NECTIN3: variants seen among roughly 807,000 people sequenced by gnomAD.
NECTIN3 encodes the protein nectin-3.
Under a neutral mutation model 49.4 loss-of-function variants are expected in NECTIN3, and 8 were observed. The observed-to-expected ratio is 0.16, with a 90% confidence interval of 0.10 to 0.29. The LOEUF is 0.29. Ranked by LOEUF, NECTIN3 falls within the 10% of genes least tolerant of loss-of-function variation. The pLI, the probability that NECTIN3 is intolerant of heterozygous loss-of-function variation, is 1.00. For synonymous variants in NECTIN3, 277 were observed against 241.1 expected, an observed-to-expected ratio of 1.15 and a Z score of -1.38; for missense variants, 581 against 654.6, an observed-to-expected ratio of 0.89 and a Z score of 1.23.
chr3:111,094,342 G>A (rs1453859393), intron 1 of NECTIN3, among the ~76,000 whole-genome samples: 2 of 152,116 alleles, frequency 1.3e-5, no homozygotes, highest in African/African-American at 4.8e-5. Flanking sequence ...CATGAAAATG[G>A]AAATATAAGT....
chr3:111,127,934 A>G (rs2034232414), intron 5 of NECTIN3, among the ~76,000 whole-genome samples: 1 of 152,184 alleles, frequency 6.6e-6, no homozygotes, highest in South Asian at 2.1e-4. Context: ...AGCCAGGGAA[A>G]TGCATAGTTA....
chr3:111,079,942 A>G (rs2107360167), intron 1 of NECTIN3, among the ~76,000 whole-genome samples: 1 of 152,180 alleles, frequency 6.6e-6, no homozygotes, highest in South Asian at 2.1e-4. Flanking sequence ...TTGAAATAAC[A>G]GTAAGGGAAT....
chr3:111,097,006 G>A (rs2032625117), intron 1 of NECTIN3, among the ~76,000 whole-genome samples: 1 of 152,156 alleles, frequency 6.6e-6, no homozygotes, highest in Non-Finnish European at 1.5e-5. Context: ...CCCCAGAATT[G>A]TAGATCCACT....
chr3:111,071,981 G>GGAGCCGGGA lies in NECTIN3; in HGVS notation c.-36_-35insAGCCGGGAG. The GGAGCCGGGA allele has an allele frequency of 7.2e-7, 1 of 1,388,644 alleles. No individual in the cohort carries two copies. The highest frequency in any genetic ancestry group is 9.4e-7 in the Non-Finnish European group (1 of 1,063,098). The allele number at this position is 1,388,644 out of a possible 1,614,324, so 86.0% of individuals were successfully genotyped here. A position where few individuals can be genotyped will look rare whatever the true frequency, so the allele number is the denominator to read the frequency against. On this transcript the variant is annotated 5_prime_UTR_variant, in exon 1 of 6. Transcript: ENST00000485303. ...AGGCGCCGGGGCCGGGGGAGCCGGG[G>GGAGCCGGGA]GGCGGGCGGGCGAGCGGGCCGGGGG...
At chr3:111,179,421 T>C (rs1042766837) in intron 7 of NECTIN3, among the ~76,000 whole-genome samples, 44 of 152,332 alleles carry the variant, frequency 2.9e-4, no homozygotes, top group African/African-American at 1.1e-3. Context: ...TATGCAATGA[T>C]AGCTTTTCAG....
At chr3:111,124,847 T>G (rs2034095800) in intron 4 of NECTIN3, among the ~76,000 whole-genome samples, 3 of 152,110 alleles carry the variant, frequency 2.0e-5, no homozygotes, top group Admixed American at 6.5e-5. Flanking sequence ...AAATAGAGAC[T>G]ACATTTTATT....
intron 1 of NECTIN3, chr3:111,193,298 C>A: frequency 3.3e-6 from 5 of 1,535,856 alleles, no homozygotes; most frequent in Non-Finnish European, 4.4e-6. Context: ...AAATGTGCTA[C>A]CAAGACCGGA....
chr3:111,112,492 A>G, intron 2 of NECTIN3, 121 bp downstream of exon 2: 1 of 692,850 alleles, frequency 1.4e-6, no homozygotes, highest in South Asian at 3.0e-5. Context: ...AATAATTCAA[A>G]TACGATTTTT....
Position 111,129,669 on chromosome 3 carries a change from G to A in NECTIN3, c.1069+3334G>A, listed in dbSNP as rs1576142607. 4.7e-5 allele frequency among the ~76,000 whole-genome samples: 7 copies of A among 149,570 alleles called. 2 individuals carry two copies. Among genetic ancestry groups the A allele is most frequent in the Admixed American group, 4.6e-4 (7 of 15,150 alleles). The stretch of plus-strand genomic sequence containing the variant: ...TATGAGATAATTTTTTTTTTTTTTG[G>A]AGACAGTCTCGCTCTGTCGCCCAGG... On this transcript the variant is annotated intron_variant, in intron 5 of 5. Coordinates refer to ENST00000485303, the MANE Select transcript of NECTIN3 (RefSeq NM_015480.3).
At chr3:111,172,138 G>A (rs995940436) in intron 7 of NECTIN3, among the ~76,000 whole-genome samples, 6 of 151,982 alleles carry the variant, frequency 3.9e-5, no homozygotes, top group Middle Eastern at 3.2e-3. Flanking sequence ...AGTGCTTGTC[G>A]TTTTCCCTTG....
At chr3:111,126,575 G>T (rs1007772692) in intron 5 of NECTIN3, among the ~76,000 whole-genome samples, 1 of 152,038 alleles carries the variant, frequency 6.6e-6, no homozygotes, top group African/African-American at 2.4e-5. Context: ...ACTTTTTGAT[G>T]CCTGTACATA....
At position 111,125,055 on chromosome 3, in the gene NECTIN3, G is replaced by A. The variant is rs1473528073; in HGVS notation, c.918-1129G>A. Among the ~76,000 whole-genome samples the A allele has an allele frequency of 2.7e-5, 3 of 111,564 alleles. No homozygotes were observed. The East Asian group carries it at 8.3e-4, about 31-fold the overall frequency. The allele number at this position is 111,564 out of a possible 152,430, so 73.2% of individuals were successfully genotyped here. On this transcript the variant is annotated intron_variant, in intron 4 of 5. Transcript: ENST00000485303. ...TTTTTTTTTTTTTTTTTGAGACAGA[G>A]TCTCACCCTGTCACCCAGGCTAGAG...
downstream of NECTIN3, among the ~76,000 whole-genome samples, chr3:111,140,430 G>T (rs907307532): frequency 6.6e-6 from 1 of 151,448 alleles, no homozygotes; most frequent in Non-Finnish European, 1.5e-5. Flanking sequence ...GTAGCTAACT[G>T]ATAAAATTTG....
At chr3:111,155,302 C>T (rs1057467455) in intron 7 of NECTIN3, among the ~76,000 whole-genome samples, 1 of 152,164 alleles carries the variant, frequency 6.6e-6, no homozygotes. Context: ...AATGTAGTGC[C>T]ATGCTTTTAT....
rs1176073788 is a variant in NECTIN3 at position 111,134,925 on chromosome 3, A to G, written c.*710A>G. ...TAGCTGGTCAATATTTTTGTCCAAAATACCTGCAAGAGTAATAAAATACAT... is the reference window on the plus strand; with the variant it reads ...TAGCTGGTCAATATTTTTGTCCAAAGTACCTGCAAGAGTAATAAAATACAT... On this transcript the variant is annotated 3_prime_UTR_variant, in exon 6 of 6. Transcript: ENST00000485303. 1.0e-6 allele frequency: 1 copy of G among 983,754 alleles called. No homozygotes were observed. The highest frequency in any genetic ancestry group is 1.2e-6 in the Non-Finnish European group (1 of 828,636). 60.9% of individuals were successfully genotyped at this position (983,754 alleles called of 1,614,324 possible).
intron 1 of NECTIN3, among the ~76,000 whole-genome samples, chr3:111,076,153 T>C (rs2031181856): frequency 6.6e-6 from 1 of 152,152 alleles, no homozygotes; most frequent in South Asian, 2.1e-4. Context: ...ATTTACAATT[T>C]AGTAATTTGG....
chr3:111,162,130 T>C (rs1252380044), intron 7 of NECTIN3, among the ~76,000 whole-genome samples: 1 of 152,170 alleles, frequency 6.6e-6, no homozygotes, highest in South Asian at 2.1e-4. Context: ...TTGCAGGGTT[T>C]TCTTGGGGGG....
chr3:111,157,922 A>G (rs1223790593), intron 7 of NECTIN3, among the ~76,000 whole-genome samples: 1 of 152,082 alleles, frequency 6.6e-6, no homozygotes, highest in Admixed American at 6.6e-5. Flanking sequence ...TAATTAGCTA[A>G]TGGGTTATTA....
intron 4 of NECTIN3, among the ~76,000 whole-genome samples, chr3:111,122,720 A>G (rs956878656): frequency 1.3e-5 from 2 of 152,058 alleles, no homozygotes; most frequent in Admixed American, 6.6e-5. Flanking sequence ...TCTCTTGTCT[A>G]TAGCCATTTG....
Sources: allele counts gnomAD v4.1 joint callset (sites outside exome capture counted in the v4.1 genomes callset), GRCh38; gene constraint gnomAD v4.1.1; transcripts MANE v1.5; gene names NCBI Gene and HGNC (gene_info 2026-07-23, HGNC 2026-07-21).